CREB5: variants seen among roughly 807,000 people sequenced by gnomAD.
CREB5 encodes the protein cyclic AMP-responsive element-binding protein 5.
A neutral mutation model predicts 57.1 loss-of-function variants in CREB5; 19 were observed. The ratio of observed to expected loss-of-function variants is 0.33; its 90% confidence interval spans 0.23 to 0.49. CREB5 has a LOEUF of 0.49. CREB5 is among the 20% of genes least tolerant of loss of function. CREB5 has a pLI of 0.99. For missense variants in CREB5, 579 were observed against 671.6 expected, an observed-to-expected ratio of 0.86 and a Z score of 1.52; for synonymous variants, 238 against 238.3, an observed-to-expected ratio of 1.00 and a Z score of 0.01.
chr7:28,770,958 G>T (rs73077878), intron 7 of CREB5, among the ~76,000 whole-genome samples: 1 of 152,122 alleles, frequency 6.6e-6, no homozygotes, highest in Non-Finnish European at 1.5e-5. Flanking sequence ...ACTAGGTGAG[G>T]TGTTAATTAA....
intron 1 of CREB5, among the ~76,000 whole-genome samples, chr7:28,364,573 A>G (rs939452153): frequency 6.6e-6 from 1 of 152,140 alleles, no homozygotes; most frequent in Non-Finnish European, 1.5e-5. Flanking sequence ...TGGGCCCTCC[A>G]TCATGCTCCA....
chr7:28,475,463 T>C (rs1791031207), intron 1 of CREB5, among the ~76,000 whole-genome samples: 1 of 131,158 alleles, frequency 7.6e-6, no homozygotes, highest in Admixed American at 7.3e-5. Flanking sequence ...ATTTGGGGAA[T>C]AAAGGGAGAG....
chr7:28,356,515 C>T (rs1019378710), intron 1 of CREB5, among the ~76,000 whole-genome samples: 5 of 152,226 alleles, frequency 3.3e-5, no homozygotes, highest in African/African-American at 4.8e-5. Flanking sequence ...TATAAACCCA[C>T]GGGCAGACCG....
At chr7:28,809,527 A>G in intron 9 of CREB5, 113 bp downstream of exon 9, 1 of 940,738 alleles carries the variant, frequency 1.1e-6, no homozygotes, top group Non-Finnish European at 1.6e-6. Context: ...CTTAGTCCAC[A>G]GAGGAGCCGC....
intron 1 of CREB5, among the ~76,000 whole-genome samples, chr7:28,395,172 A>T (rs1375595971): frequency 6.6e-6 from 1 of 152,222 alleles, no homozygotes; most frequent in Non-Finnish European, 1.5e-5. Context: ...ACCATTTTAA[A>T]TGACGTCTGT....
chr7:28,377,671 C>T (rs150040261), intron 1 of CREB5, among the ~76,000 whole-genome samples: 5 of 151,892 alleles, frequency 3.3e-5, no homozygotes, highest in African/African-American at 1.2e-4. Context: ...TCAGTCTCTA[C>T]ATTGAGCTGA....
At chr7:28,606,431 A>G (rs1274202130) in intron 5 of CREB5, among the ~76,000 whole-genome samples, 1 of 152,208 alleles carries the variant, frequency 6.6e-6, no homozygotes, top group East Asian at 1.9e-4. Context: ...TCACACCTTC[A>G]TATGAGCCTC....
At chr7:28,405,958 G>A (rs1383451220) in intron 1 of CREB5, among the ~76,000 whole-genome samples, 1 of 152,130 alleles carries the variant, frequency 6.6e-6, no homozygotes, top group Non-Finnish European at 1.5e-5. Flanking sequence ...CCCTGGGGAC[G>A]TCTGACTCAA....
intron 1 of CREB5, among the ~76,000 whole-genome samples, chr7:28,324,816 C>T (rs570575200): frequency 2.4e-4 from 36 of 152,280 alleles, no homozygotes; most frequent in African/African-American, 3.6e-4. Context: ...CAAAACAGAA[C>T]GGTTGATACT....
intron 5 of CREB5, among the ~76,000 whole-genome samples, chr7:28,691,700 G>T (rs1181905058): frequency 6.6e-6 from 1 of 152,112 alleles, no homozygotes; most frequent in Non-Finnish European, 1.5e-5. Flanking sequence ...CTGCAAAAGG[G>T]CATATGGTGT....
At chr7:28,401,116 G>A (rs1399229249) in intron 1 of CREB5, among the ~76,000 whole-genome samples, 6 of 152,132 alleles carry the variant, frequency 3.9e-5, no homozygotes, top group African/African-American at 1.4e-4. Flanking sequence ...AAAAAATAAA[G>A]ACTAAGTAGT....
At chr7:28,583,867 A>G (rs554904627) in intron 5 of CREB5, among the ~76,000 whole-genome samples, 2 of 151,866 alleles carry the variant, frequency 1.3e-5, no homozygotes, top group South Asian at 4.2e-4. Flanking sequence ...TAGTAGAGAC[A>G]GGGTTTCCCC....
intron 1 of CREB5, among the ~76,000 whole-genome samples, chr7:28,379,159 A>G (rs1786906092): frequency 1.3e-5 from 2 of 152,202 alleles, no homozygotes; most frequent in Non-Finnish European, 2.9e-5. Flanking sequence ...TTTATATTGG[A>G]TTGAAAATGA....
At chr7:28,377,173 C>G (rs556343779) in intron 1 of CREB5, among the ~76,000 whole-genome samples, 14 of 152,236 alleles carry the variant, frequency 9.2e-5, no homozygotes, top group Middle Eastern at 3.4e-3. Context: ...GGAATTGGCT[C>G]TCTTTTGCTC....
At chr7:28,309,380 C>T (rs1583660407) in intron 1 of CREB5, among the ~76,000 whole-genome samples, 3 of 152,152 alleles carry the variant, frequency 2.0e-5, no homozygotes, top group African/African-American at 4.8e-5. Flanking sequence ...TTGTCTCAGG[C>T]CCCTCTTTTC....
intron 3 of CREB5, among the ~76,000 whole-genome samples, chr7:28,500,270 C>T (rs1270618981): frequency 2.6e-5 from 4 of 152,120 alleles, no homozygotes; most frequent in South Asian, 2.1e-4. Context: ...CAGCAGGAAG[C>T]GGGGTCAGGA....
intron 1 of CREB5, among the ~76,000 whole-genome samples, chr7:28,353,809 C>G (rs971018490): frequency 1.7e-5 from 2 of 116,804 alleles, no homozygotes; most frequent in African/African-American, 6.0e-5. Flanking sequence ...CACCACTGCA[C>G]TCCAGCCTGG....
chr7:28,680,440 G>A (rs551786303), intron 5 of CREB5, among the ~76,000 whole-genome samples: 81 of 152,160 alleles, frequency 5.3e-4, no homozygotes, highest in Middle Eastern at 3.4e-3. Context: ...CTCCAATCCC[G>A]TATAAACTTT....
At chr7:28,742,561 G>A (rs745457715) in intron 7 of CREB5, among the ~76,000 whole-genome samples, 10 of 136,652 alleles carry the variant, frequency 7.3e-5, no homozygotes, top group South Asian at 2.4e-4. Context: ...GCAAGACTCC[G>A]TCTCAAAAAA....
Sources: gnomAD v4.1 joint callset for allele counts (sites outside exome capture counted in the v4.1 genomes callset) on GRCh38, gnomAD v4.1.1 for gene constraint, MANE v1.5 for transcripts, NCBI Gene and HGNC (gene_info 2026-07-23, HGNC 2026-07-21) for gene names.